NALCN: variants seen among roughly 807,000 people sequenced by gnomAD.
NALCN encodes the protein sodium leak channel NALCN.
In NALCN, 111 loss-of-function variants were observed where a neutral mutation model predicts 225.3. The observed-to-expected ratio is 0.49, with a 90% CI of 0.42 to 0.58. NALCN has a LOEUF of 0.58. NALCN is among the 20% of genes least tolerant of loss of function. The probability of loss-of-function intolerance (pLI) is 0.00; values close to 1 mark genes in which losing one functional copy is unlikely to be tolerated. For synonymous variants in NALCN, 764 were observed against 769.0 expected (o/e 0.99, Z 0.11); for missense variants, 1,378 against 2,202.4 (o/e 0.63, Z 7.49).
chr13:101,366,969 T>C (rs978360766), intron 6 of NALCN, among the ~76,000 whole-genome samples: 3 of 152,066 alleles, frequency 2.0e-5, no homozygotes, highest in Non-Finnish European at 4.4e-5. Context: ...ATAACCACCA[T>C]TGTCCTCTCT....
intron 3 of NALCN, among the ~76,000 whole-genome samples, chr13:101,383,425 A>G (rs1018526132): frequency 1.3e-5 from 2 of 152,156 alleles, no homozygotes; most frequent in Non-Finnish European, 2.9e-5. Flanking sequence ...AAAGAAGTCT[A>G]TCTCTCATGG....
At chr13:101,103,380 T>A (rs751402805) in intron 25 of NALCN, 41 bp from the exon 26 acceptor site, 5 of 1,565,534 alleles carry the variant, frequency 3.2e-6, no homozygotes, top group African/African-American at 2.8e-5. Context: ...ATACAATTCA[T>A]CCCCTACTAT....
chr13:101,138,961 C>T (rs534768177), intron 17 of NALCN, among the ~76,000 whole-genome samples: 3 of 152,214 alleles, frequency 2.0e-5, no homozygotes, highest in South Asian at 2.1e-4. Context: ...CTCACAGGAA[C>T]GGTAGGTAGC....
chr13:101,315,931 G>A (rs1217848457), intron 7 of NALCN, among the ~76,000 whole-genome samples: 1 of 151,970 alleles, frequency 6.6e-6, no homozygotes, highest in Non-Finnish European at 1.5e-5. Flanking sequence ...TCTGTCTTCA[G>A]TGCCAAAATC....
intron 10 of NALCN, among the ~76,000 whole-genome samples, chr13:101,270,316 A>G (rs890689026): frequency 1.3e-5 from 2 of 152,214 alleles, no homozygotes; most frequent in African/African-American, 4.8e-5. Flanking sequence ...TGGTTTTGAG[A>G]TGTCATTGAC....
At chr13:101,227,761 C>T (rs2041201853) in intron 13 of NALCN, among the ~76,000 whole-genome samples, 1 of 152,130 alleles carries the variant, frequency 6.6e-6, no homozygotes, top group Admixed American at 6.5e-5. Flanking sequence ...AGGAGTTTGG[C>T]ATGACAGATA....
chr13:101,380,647 A>G (rs1192795310), intron 3 of NALCN, among the ~76,000 whole-genome samples: 1 of 152,202 alleles, frequency 6.6e-6, no homozygotes, highest in East Asian at 1.9e-4. Context: ...ATGTTGCAGG[A>G]TATTGACATA....
chr13:101,371,305 A>G (rs1025040148), intron 6 of NALCN, among the ~76,000 whole-genome samples: 10 of 152,086 alleles, frequency 6.6e-5, no homozygotes, highest in East Asian at 1.9e-4. Context: ...TGCCTGTCCA[A>G]CTTTTTTTCT....
rs144909523 is a variant in NALCN, at chr13:101,275,108, C to T, written c.1134+8825G>A. ...TCTCCTGACCTGCTGCTCCCGGCCA[C>T]GCCTCCTGTTTCTGATGCCCCCACG... On this transcript the variant is annotated intron_variant, in intron 10 of 43. Coordinates refer to ENST00000251127, the MANE Select transcript of NALCN (RefSeq NM_052867.4). Among the ~76,000 whole-genome samples the T allele has an allele frequency of 1.9e-3, 287 of 152,294 alleles. 1 individual carries two copies. Among genetic ancestry groups the T allele is most frequent in the African/African-American group, 6.5e-3 (272 of 41,562 alleles).
intron 10 of NALCN, among the ~76,000 whole-genome samples, chr13:101,272,501 C>A (rs1048576355): frequency 5.9e-5 from 9 of 152,066 alleles, no homozygotes; most frequent in African/African-American, 1.9e-4. Context: ...AAGAAAATGA[C>A]CAAATATAAT....
intron 1 of NALCN, among the ~76,000 whole-genome samples, chr13:101,407,104 A>G (rs1467206260): frequency 6.6e-6 from 1 of 152,232 alleles, no homozygotes; most frequent in East Asian, 1.9e-4. Flanking sequence ...CAAAATCCAA[A>G]GCCCAGAACA....
chr13:101,200,637 C>T (rs1437166030), intron 13 of NALCN, among the ~76,000 whole-genome samples: 10 of 152,102 alleles, frequency 6.6e-5, no homozygotes, highest in South Asian at 2.1e-4. Flanking sequence ...AGGCTTCCCA[C>T]AGGGCCACTG....
intron 26 of NALCN, among the ~76,000 whole-genome samples, 161 bp downstream of exon 26, chr13:101,103,011 A>G (rs913887126): frequency 2.0e-5 from 3 of 152,236 alleles, no homozygotes; most frequent in Non-Finnish European, 4.4e-5. Context: ...CCATGAGTAA[A>G]GTGTTTGAAG....
At chr13:101,290,067 G>C (rs1223243388) in intron 9 of NALCN, among the ~76,000 whole-genome samples, 1 of 152,168 alleles carries the variant, frequency 6.6e-6, no homozygotes, top group Non-Finnish European at 1.5e-5. Flanking sequence ...TTCTCTGTAT[G>C]ATTACCACTG....
rs1042728880 is a variant in NALCN at position 101,144,900 on chromosome 13, A to C, written c.1840-4T>G. 6.3e-7 allele frequency: 1 copy of C among 1,598,350 alleles called. No individual in the cohort carries two copies. The highest frequency in any genetic ancestry group is 8.5e-7 in the Non-Finnish European group (1 of 1,176,070). ...CATTTGCTTCACTTTGCTTTAACTAAAGAAAAATTGGAAAGAAGAAAAAAA... is the reference window on the plus strand; with the variant it reads ...CATTTGCTTCACTTTGCTTTAACTACAGAAAAATTGGAAAGAAGAAAAAAA... On this transcript the variant is annotated splice_region_variant and splice_polypyrimidine_tract_variant and intron_variant, in intron 15 of 43. Coordinates refer to ENST00000251127, the MANE Select transcript of NALCN (RefSeq NM_052867.4).
At chr13:101,334,479 G>C (rs1304219941) in intron 7 of NALCN, among the ~76,000 whole-genome samples, 1 of 152,200 alleles carries the variant, frequency 6.6e-6, no homozygotes, top group Non-Finnish European at 1.5e-5. Flanking sequence ...CATTCAAGAA[G>C]AGAATGGACT....
At chr13:101,341,862 G>A (rs1033503558) in intron 7 of NALCN, among the ~76,000 whole-genome samples, 1 of 152,170 alleles carries the variant, frequency 6.6e-6, no homozygotes, top group African/African-American at 2.4e-5. Flanking sequence ...AGATCATGAA[G>A]GTGGAGCCCA....
intron 17 of NALCN, among the ~76,000 whole-genome samples, chr13:101,139,201 T>A (rs984645232): frequency 6.6e-6 from 1 of 152,194 alleles, no homozygotes; most frequent in Non-Finnish European, 1.5e-5. Flanking sequence ...TTCTGCAAAG[T>A]GAGGTTGCCA....
Position 101,074,584 on chromosome 13 carries a change from A to G in NALCN, c.4033T>C (p.Leu1345=), listed in dbSNP as rs1226154206. The change falls in exon 36 of 44, where the codon TTG becomes CTG. Residue 1345 remains leucine, a synonymous_variant. Coordinates refer to ENST00000251127, the MANE Select transcript of NALCN (RefSeq NM_052867.4). ...SFFIIVGMFL[L]LLCYAFAGVV... ...CCAGCAAAAGCGTAACACAGCAGCAAGAGAAACATGCCTACTATGATAAAG... is the reference window on the plus strand; with the variant it reads ...CCAGCAAAAGCGTAACACAGCAGCAGGAGAAACATGCCTACTATGATAAAG... 6.2e-7 allele frequency: 1 copy of G among 1,613,970 alleles called. No individual in the cohort carries two copies. Among genetic ancestry groups the G allele is most frequent in the South Asian group, 1.1e-5 (1 of 91,032 alleles).
Sources: gnomAD v4.1 joint callset for allele counts (sites outside exome capture counted in the v4.1 genomes callset) on GRCh38, gnomAD v4.1.1 for gene constraint, MANE v1.5 for transcripts, NCBI Gene and HGNC (gene_info 2026-07-23, HGNC 2026-07-21) for gene names.